The following UPF1 variants were observed in gnomAD, a reference collection of about 807,000 sequenced individuals.
UPF1 encodes regulator of nonsense transcripts 1.
UPF1 carries 9 observed loss-of-function variants against 129.2 expected under a neutral mutation model. That is an observed-to-expected ratio of 0.07 (90% CI 0.04 to 0.12). The LOEUF (loss-of-function observed/expected upper bound fraction) is 0.12. Among genes scored for constraint, UPF1 ranks in the 10% least tolerant of loss-of-function variants. UPF1 has a pLI of 1.00. For missense variants in UPF1, 788 were observed against 1,525.3 expected (o/e 0.52, Z 8.05); for synonymous variants, 649 against 644.9 (o/e 1.01, Z -0.10).
chr19:18,838,507 G>T (rs1244932000), intron 1 of UPF1, among the ~76,000 whole-genome samples: 3 of 152,164 alleles, frequency 2.0e-5, no homozygotes, highest in Non-Finnish European at 2.9e-5. Flanking sequence ...AATTAGCTGG[G>T]TATAGTGGCA....
rs1568277238 is a variant in UPF1 at position 18,853,388 on chromosome 19, G to A, written c.1156+38G>A. The A allele has an allele frequency of 1.9e-6, 3 of 1,556,158 alleles. No individual in the cohort carries two copies. Among genetic ancestry groups the A allele is most frequent in the Non-Finnish European group, 2.6e-6 (3 of 1,150,116 alleles). On this transcript the variant is annotated intron_variant, in intron 8 of 23. Coordinates refer to ENST00000262803, the MANE Select transcript of UPF1 (RefSeq NM_002911.4). The surrounding 1 kb of genome is among the most constrained non-coding windows in gnomAD (Gnocchi z 4.4). ...TGAAGAGGGTGTGGCCGGCTGGTGG[G>A]AGAGGAAAGTGGGGGCATCAGGTGG...
chr19:18,836,151 C>T (rs567782353), intron 1 of UPF1, among the ~76,000 whole-genome samples: 38 of 152,338 alleles, frequency 2.5e-4, no homozygotes, highest in Admixed American at 2.4e-3. Context: ...GGACAGTTTT[C>T]GAGCATCTGA....
rs1317353653 is a variant in UPF1 at position 18,868,182 on chromosome 19, C to G, written c.*1665C>G. The G allele has an allele frequency of 4.2e-6, 1 of 236,284 alleles. No homozygotes were observed. The highest frequency in any genetic ancestry group is 8.5e-6 in the Non-Finnish European group (1 of 117,746). The allele number at this position is 236,284 out of a possible 1,614,324, so 14.6% of individuals were successfully genotyped here. On this transcript the variant is annotated 3_prime_UTR_variant, in exon 24 of 24. Transcript: ENST00000262803. ...GGCAATGTAACTTTTGATTTTCGGT[C>G]AATTTAAGTTCTTTTGTCACCAAAT... is the stretch of plus-strand genomic sequence containing the variant.
Position 18,863,250 on chromosome 19 carries a change from G to C in UPF1, c.2601-188G>C, listed in dbSNP as rs2238657. 0.36 allele frequency: 248,544 copies of C among 692,772 alleles called. 48,869 individuals are homozygous for C. Among genetic ancestry groups the C allele is most frequent in the Admixed American group, 0.5 (20,161 of 40,114 alleles). The allele number at this position is 692,772 out of a possible 1,614,324, so 42.9% of individuals were successfully genotyped here. On this transcript the variant is annotated intron_variant, in intron 18 of 23. Transcript: ENST00000262803. ...AGAGTCGGCCACAAAATCAACCCGT[G>C]TGCAGGGTCAGTGGCTTGGCATTGG... is the stretch of plus-strand genomic sequence containing the variant.
chr19:18,840,637 G>T (rs1005570672), intron 1 of UPF1, among the ~76,000 whole-genome samples: 1 of 152,212 alleles, frequency 6.6e-6, no homozygotes, highest in Non-Finnish European at 1.5e-5. Flanking sequence ...GGCTGGAGGG[G>T]CTGGTGGGAG....
At chr19:18,841,881 G>A (rs1393973933) in intron 1 of UPF1, among the ~76,000 whole-genome samples, 2 of 152,208 alleles carry the variant, frequency 1.3e-5, no homozygotes, top group African/African-American at 2.4e-5. Flanking sequence ...TGAGAGGGGA[G>A]GCGAGAGGCC....
At chr19:18,862,779 C>T (rs2145969980) in intron 18 of UPF1, among the ~76,000 whole-genome samples, 1 of 152,150 alleles carries the variant, frequency 6.6e-6, no homozygotes, top group South Asian at 2.1e-4. Flanking sequence ...TTGTGGTGAG[C>T]CGAGATTGCG....
At chr19:18,854,856 C>T in intron 9 of UPF1, 23 bp from the exon 10 acceptor site, 1 of 1,613,204 alleles carries the variant, frequency 6.2e-7, no homozygotes, top group Non-Finnish European at 8.5e-7. Flanking sequence ...GTGCGTGTCG[C>T]CAACCCCAAA....
rs376286226 is a variant in UPF1 at position 18,856,173 on chromosome 19, C to T, written c.1710-13C>T. On this transcript the variant is annotated splice_polypyrimidine_tract_variant and intron_variant, in intron 12 of 23. Transcript: ENST00000262803. The stretch of plus-strand genomic sequence containing the variant: ...AGAACTCAGGCACCCTGCTGACCTG[C>T]ATGTGCTTCCAGCATGCCTGAGCTG... The T allele has an allele frequency of 1.2e-4, 185 of 1,606,204 alleles. No homozygotes were observed. The highest frequency in any genetic ancestry group is 1.4e-4 in the Non-Finnish European group (169 of 1,173,704).
At chr19:18,859,050 A>G (rs1297249635) in intron 15 of UPF1, among the ~76,000 whole-genome samples, 2 of 152,182 alleles carry the variant, frequency 1.3e-5, no homozygotes, top group Admixed American at 1.3e-4. Context: ...CTCTTTGCCT[A>G]GCGGTAGGTC....
chr19:18,862,613 AT>A (rs1387059750), intron 18 of UPF1, among the ~76,000 whole-genome samples: 1 of 152,066 alleles, frequency 6.6e-6, no homozygotes, highest in African/African-American at 2.4e-5. Flanking sequence ...AGGCAGGTGG[AT>A]CACCTGAGGT....
chr19:18,843,658 A>G (rs986899251), intron 1 of UPF1, among the ~76,000 whole-genome samples: 3 of 150,608 alleles, frequency 2.0e-5, no homozygotes, highest in African/African-American at 4.9e-5. Context: ...GCGCATCACC[A>G]TGCCCAGCTA....
In UPF1 at chr19:18,860,451, A is replaced by G. The variant is rs1334141648; in HGVS notation, c.2300+13A>G. On this transcript the variant is annotated intron_variant, in intron 16 of 23. Coordinates refer to ENST00000262803, the MANE Select transcript of UPF1 (RefSeq NM_002911.4). ...CCTACCTGAACAGGTGAGCAGGGAC[A>G]GGCCCACCGGCGTCTGCAGGTCTTG... The G allele has an allele frequency of 1.9e-6, 3 of 1,611,542 alleles. No individual in the cohort carries two copies. The highest frequency in any genetic ancestry group is 2.2e-5 in the East Asian group (1 of 44,876).
At chr19:18,854,524 A>G (rs1379705215) in intron 8 of UPF1, 77 bp from the exon 9 acceptor site, 3 of 1,173,064 alleles carry the variant, frequency 2.6e-6, no homozygotes, top group Non-Finnish European at 3.7e-6. Flanking sequence ...AACGCTGTTT[A>G]AAGAGCGTGT....
At position 18,832,389 on chromosome 19, in the gene UPF1, AGGCCCGGGCGGCGCGGGCGCGGGC is replaced by A. The variant is rs1568266053; in HGVS notation, c.182_205del (p.Gly61_Gly68del). Reference sequence around the variant, plus strand: ...GCGGCCCGGGCGGTGGCGGCGCGGGAGGCCCGGGCGGCGCGGGCGCGGGCGCTGCGGCGGGACAGCTCGACGCGC... The same window carrying A: ...GCGGCCCGGGCGGTGGCGGCGCGGGAGCTGCGGCGGGACAGCTCGACGCGC... On this transcript the variant is annotated inframe_deletion, in exon 1 of 24. Transcript: ENST00000262803. This position sits in a 1 kb window ranked among gnomAD's most constrained non-coding sequence, Gnocchi z 5.6. The A allele has an allele frequency of 2.8e-6, 3 of 1,080,894 alleles. No homozygotes were observed. Among genetic ancestry groups the A allele is most frequent in the Non-Finnish European group, 3.4e-6 (3 of 890,438 alleles). 67.0% of individuals were successfully genotyped at this position (1,080,894 alleles called of 1,614,324 possible).
At chr19:18,855,347 C>T (rs2055705033) in intron 11 of UPF1, 105 bp downstream of exon 11, 3 of 1,298,290 alleles carry the variant, frequency 2.3e-6, no homozygotes, top group Non-Finnish European at 3.2e-6. Flanking sequence ...CCGAAGAGAG[C>T]ACGTGGCGGG....
At chr19:18,852,794 TC>T (rs2055674954) in intron 6 of UPF1, among the ~76,000 whole-genome samples, 192 bp from the exon 7 acceptor site, 1 of 152,126 alleles carries the variant, frequency 6.6e-6, no homozygotes, top group Non-Finnish European at 1.5e-5. Context: ...CTGTGTGTGT[TC>T]CGGGGACTCC....
At chr19:18,854,473 T>C (rs765232161) in intron 8 of UPF1, 128 bp from the exon 9 acceptor site, 6 of 707,778 alleles carry the variant, frequency 8.5e-6, no homozygotes, top group East Asian at 7.5e-5. Context: ...TTTTAGCGTT[T>C]GGTGCAGAGC....
Position 18,856,188 on chromosome 19 carries a change from T to C in UPF1, c.1712T>C (p.Met571Thr). The change falls in exon 13 of 24, where the codon ATG (methionine) becomes ACG (threonine). Residue 571 changes from methionine to threonine, a missense_variant and splice_region_variant. Met to Thr is a moderately conservative substitution (Grantham distance 81, BLOSUM62 -1). Around this residue, in one of 6 missense-constraint regions of UPF1, gnomAD observed 91 missense variants for 157.2 expected, o/e 0.58. Coordinates refer to ENST00000262803, the MANE Select transcript of UPF1 (RefSeq NM_002911.4). ...LHNQIRNMDS[M>T]PELQKLQQLK... is the part of the protein sequence containing the mutation. Reference sequence around the variant, plus strand: ...TGCTGACCTGCATGTGCTTCCAGCATGCCTGAGCTGCAGAAGCTGCAGCAG... The same window carrying C: ...TGCTGACCTGCATGTGCTTCCAGCACGCCTGAGCTGCAGAAGCTGCAGCAG... 1 of 1,609,186 alleles carries C rather than the reference T, an allele frequency of 6.2e-7. No homozygotes were observed.
Sources: gnomAD v4.1 joint callset for allele counts (sites outside exome capture counted in the v4.1 genomes callset) on GRCh38, gnomAD v4.1.1 for gene constraint, gnomAD v4.1.1 regional missense constraint, Gnocchi (gnomAD v3.1) non-coding constraint, MANE v1.5 for transcripts, NCBI Gene and HGNC (gene_info 2026-07-23, HGNC 2026-07-21) for gene names.